Variants in SLC7A14 observed in about 807,000 individuals in gnomAD.
SLC7A14 encodes the protein solute carrier family 7 member 14.
A neutral mutation model predicts 60.2 loss-of-function variants in SLC7A14; 37 were observed. The ratio of observed to expected loss-of-function variants is 0.61; its 90% confidence interval spans 0.47 to 0.81. SLC7A14 has a LOEUF of 0.81. SLC7A14 is among the 30% of genes least tolerant of loss of function. The pLI, the probability that SLC7A14 is intolerant of heterozygous loss-of-function variation, is 0.00. For missense variants in SLC7A14, 886 were observed against 982.7 expected (o/e 0.90, Z 1.32); for synonymous variants, 399 against 395.8 (o/e 1.01, Z -0.10).
chr3:170,464,989 A>G lies in SLC7A14; in HGVS notation c.*2066T>C, dbSNP rs1237132780. On this transcript the variant is annotated 3_prime_UTR_variant, in exon 8 of 8. Coordinates refer to ENST00000231706, the MANE Select transcript of SLC7A14 (RefSeq NM_020949.3). The stretch of plus-strand genomic sequence containing the variant: ...CAATTCAAAACTTTGTTTTCAAAAG[A>G]TGACTGATAATTAGTTTATAATTAA... 6.6e-6 allele frequency: 1 copy of G among 152,194 alleles called. No homozygotes were observed. The highest frequency in any genetic ancestry group is 1.5e-5 in the Non-Finnish European group (1 of 68,040). The allele number at this position is 152,194 out of a possible 1,614,324, so 9.4% of individuals were successfully genotyped here. A position where few individuals can be genotyped will look rare whatever the true frequency, so the allele number is the denominator to read the frequency against.
At chr3:170,476,004 C>T (rs112414847) in intron 7 of SLC7A14, among the ~76,000 whole-genome samples, 2 of 152,186 alleles carry the variant, frequency 1.3e-5, no homozygotes, top group Admixed American at 6.5e-5. Context: ...TGAGCCACCA[C>T]GCCCAGCCTC....
Position 170,501,217 on chromosome 3 carries a change from T to A in SLC7A14, c.433A>T (p.Ile145Phe), listed in dbSNP as rs1712598875. The change falls in exon 3 of 8, where the codon ATT becomes TTT. Residue 145 changes from isoleucine to phenylalanine, a missense_variant. Ile to Phe is a conservative substitution (Grantham distance 21). Transcript: ENST00000231706. ...IGWNLILEYL[I>F]GTAAGASALS... ...GCACTGGCTCCGGCCGCAGTGCCAA[T>A]CAGGTACTCCAGGATCAGGTTCCAG... 1 of 1,614,188 alleles carries A rather than the reference T, an allele frequency of 6.2e-7. No individual in the cohort carries two copies. Among genetic ancestry groups the A allele is most frequent in the East Asian group, 2.2e-5 (1 of 44,882 alleles).
At chr3:170,487,816 A>G (rs182145950) in intron 4 of SLC7A14, among the ~76,000 whole-genome samples, 52 of 152,322 alleles carry the variant, frequency 3.4e-4, no homozygotes, top group African/African-American at 1.2e-3. Flanking sequence ...AAAGAATTGC[A>G]TATGTTTTTC....
intron 1 of SLC7A14, among the ~76,000 whole-genome samples, chr3:170,534,143 A>G (rs1346380763): frequency 6.6e-6 from 1 of 152,186 alleles, no homozygotes; most frequent in African/African-American, 2.4e-5. Flanking sequence ...GAATATTACA[A>G]TGGTGATGTT....
intron 1 of SLC7A14, among the ~76,000 whole-genome samples, chr3:170,555,982 C>T (rs1254741299): frequency 6.6e-6 from 1 of 152,198 alleles, no homozygotes; most frequent in Non-Finnish European, 1.5e-5. Context: ...CCTTACAACT[C>T]TTCTGCTCAT....
At chr3:170,574,388 C>A (rs930566599) in intron 1 of SLC7A14, among the ~76,000 whole-genome samples, 1 of 152,180 alleles carries the variant, frequency 6.6e-6, no homozygotes, top group African/African-American at 2.4e-5. Context: ...TGGCCACTCC[C>A]AATCTTGCTT....
intron 1 of SLC7A14, among the ~76,000 whole-genome samples, chr3:170,580,974 A>G (rs1419429958): frequency 6.6e-6 from 1 of 152,198 alleles, no homozygotes; most frequent in Non-Finnish European, 1.5e-5. Flanking sequence ...CTTGACGCAT[A>G]AATAGCATAC....
At chr3:170,471,677 G>A (rs954179872) in intron 7 of SLC7A14, among the ~76,000 whole-genome samples, 2 of 152,070 alleles carry the variant, frequency 1.3e-5, no homozygotes, top group Non-Finnish European at 2.9e-5. Context: ...CACTGGGAAC[G>A]GCATCATATA....
chr3:170,486,463 T>G, intron 4 of SLC7A14, 95 bp from the exon 5 acceptor site: 1 of 1,507,782 alleles, frequency 6.6e-7, no homozygotes, highest in Non-Finnish European at 9.1e-7. Context: ...CCTGCAGACA[T>G]GACTGAGTGG....
intron 1 of SLC7A14, among the ~76,000 whole-genome samples, chr3:170,538,982 C>A (rs548038835): frequency 2.6e-5 from 4 of 152,360 alleles, no homozygotes; most frequent in African/African-American, 9.6e-5. Flanking sequence ...CTGTAGGACC[C>A]TCAACTCAAC....
intron 1 of SLC7A14, among the ~76,000 whole-genome samples, chr3:170,576,046 A>G (rs180817037): frequency 3.0e-4 from 46 of 152,322 alleles, no homozygotes; most frequent in African/African-American, 1.1e-3. Flanking sequence ...CATTTCTACA[A>G]TAGCTTTCTC....
At chr3:170,514,258 A>G (rs1298990283) in intron 2 of SLC7A14, among the ~76,000 whole-genome samples, 1 of 152,210 alleles carries the variant, frequency 6.6e-6, no homozygotes, top group African/African-American at 2.4e-5. Context: ...GTTAGACTCC[A>G]CTCAGAAAGT....
intron 1 of SLC7A14, among the ~76,000 whole-genome samples, chr3:170,553,646 G>T (rs1714409506): frequency 6.6e-6 from 1 of 152,318 alleles, no homozygotes; most frequent in Non-Finnish European, 1.5e-5. Context: ...ATGAGCTGAG[G>T]CTATGAACAG....
Position 170,480,702 on chromosome 3 carries a change from T to C in SLC7A14, c.1580A>G (p.Asn527Ser). The C allele has an allele frequency of 6.2e-7, 1 of 1,614,224 alleles. No homozygotes were observed. The highest frequency in any genetic ancestry group is 8.5e-7 in the Non-Finnish European group (1 of 1,180,038). Residue 527 changes from asparagine to serine, a missense_variant, in exon 7 of 8, where the codon AAT becomes AGT. By Grantham distance (46) the Asn-to-Ser change is conservative (BLOSUM62 1). Coordinates refer to ENST00000231706, the MANE Select transcript of SLC7A14 (RefSeq NM_020949.3). Reference protein sequence around the residue: ...TTGIEADESENIYLIKLKKLI... With the variant: ...TTGIEADESESIYLIKLKKLI... ...CTTCTTTAACTTGATGAGATAAATA[T>C]TTTCGGATTCATCAGCTTCTATGCC...
At chr3:170,503,499 T>C (rs1712676535) in intron 2 of SLC7A14, among the ~76,000 whole-genome samples, 1 of 152,208 alleles carries the variant, frequency 6.6e-6, no homozygotes, top group African/African-American at 2.4e-5. Flanking sequence ...CTTTCAGTGA[T>C]GTGTGAGGAA....
chr3:170,520,482 AT>A (rs1713311044), intron 2 of SLC7A14, among the ~76,000 whole-genome samples: 1 of 152,216 alleles, frequency 6.6e-6, no homozygotes, highest in African/African-American at 2.4e-5. Context: ...AGAAGAGGCA[AT>A]TTCTTGCCTA....
intron 2 of SLC7A14, among the ~76,000 whole-genome samples, chr3:170,525,335 G>A (rs1344596376): frequency 6.6e-6 from 1 of 152,250 alleles, no homozygotes. Context: ...TTTTTACAAA[G>A]TATCGGCATG....
chr3:170,499,386 A>G (rs1459197875), intron 3 of SLC7A14, among the ~76,000 whole-genome samples: 4 of 151,966 alleles, frequency 2.6e-5, no homozygotes, highest in African/African-American at 7.3e-5. Context: ...GATTTGGTAG[A>G]TAGGTAAGAT....
chr3:170,563,827 T>G (rs1196273241), intron 1 of SLC7A14, among the ~76,000 whole-genome samples: 3 of 152,224 alleles, frequency 2.0e-5, no homozygotes, highest in Non-Finnish European at 2.9e-5. Flanking sequence ...TTCATCTGCA[T>G]TTGGTTAGCT....
Sources: gnomAD v4.1 joint callset for allele counts (sites outside exome capture counted in the v4.1 genomes callset) on GRCh38, gnomAD v4.1.1 for gene constraint, MANE v1.5 for transcripts, NCBI Gene and HGNC (gene_info 2026-07-23, HGNC 2026-07-21) for gene names.